The following MTUS2 variants were observed in gnomAD, a reference collection of about 807,000 sequenced individuals.
The protein encoded by MTUS2 is microtubule associated scaffold protein 2, also known as microtubule-associated tumor suppressor candidate 2.
MTUS2 carries 40 observed loss-of-function variants against 114.1 expected under a neutral mutation model. The ratio of observed to expected loss-of-function variants is 0.35; its 90% confidence interval spans 0.27 to 0.46. MTUS2 has a LOEUF of 0.46. Among genes scored for constraint, MTUS2 ranks in the 20% least tolerant of loss-of-function variants. MTUS2 has a pLI of 1.00. For synonymous variants in MTUS2, 688 were observed against 672.0 expected (o/e 1.02, Z -0.37); for missense variants, 1,679 against 1,705.4 (o/e 0.98, Z 0.27).
At chr13:29,296,493 C>T (rs1292303850) in intron 6 of MTUS2, among the ~76,000 whole-genome samples, 1 of 152,136 alleles carries the variant, frequency 6.6e-6, no homozygotes, top group Non-Finnish European at 1.5e-5. Flanking sequence ...GCCACAACCC[C>T]CAGCCTATTT....
intron 6 of MTUS2, among the ~76,000 whole-genome samples, chr13:29,303,304 T>G (rs972183236): frequency 6.6e-6 from 1 of 152,162 alleles, no homozygotes; most frequent in East Asian, 1.9e-4. Flanking sequence ...GAGGCTAAGA[T>G]GGCTGAATTG....
At chr13:29,169,780 C>T (rs924505743) in intron 5 of MTUS2, among the ~76,000 whole-genome samples, 1 of 152,092 alleles carries the variant, frequency 6.6e-6, no homozygotes, top group Non-Finnish European at 1.5e-5. Flanking sequence ...TCAGGGTTGC[C>T]CTCTTACTGC....
At chr13:29,390,146 A>G (rs1304465844) in intron 8 of MTUS2, among the ~76,000 whole-genome samples, 4 of 117,394 alleles carry the variant, frequency 3.4e-5, no homozygotes, top group Non-Finnish European at 7.8e-5. Context: ...GACTATATAT[A>G]TATACACACA....
At chr13:29,062,523 G>C (rs1407437) in intron 4 of MTUS2, among the ~76,000 whole-genome samples, 11,890 of 152,172 alleles carry the variant, frequency 0.078, 785 homozygotes, top group East Asian at 0.31. Flanking sequence ...CTGAAATTTA[G>C]CATTTACATA....
At chr13:29,365,479 CTTTGT>C in intron 8 of MTUS2, among the ~76,000 whole-genome samples, 1 of 70,872 alleles carries the variant, frequency 1.4e-5, no homozygotes, top group Non-Finnish European at 3.2e-5. Context: ...CTCACTTATG[CTTTGT>C]CATCAATACG....
At chr13:29,097,449 G>T (rs1890224317) in intron 4 of MTUS2, among the ~76,000 whole-genome samples, 1 of 152,082 alleles carries the variant, frequency 6.6e-6, no homozygotes, top group African/African-American at 2.4e-5. Flanking sequence ...GCTATCATTT[G>T]TTTATTGAAG....
chr13:29,322,201 C>T (rs1305489841), intron 6 of MTUS2, among the ~76,000 whole-genome samples: 2 of 152,124 alleles, frequency 1.3e-5, no homozygotes, highest in East Asian at 3.9e-4. Flanking sequence ...ATTTTGTTTT[C>T]CTTTAAGCAC....
chr13:29,387,288 C>T (rs992473135), intron 8 of MTUS2, among the ~76,000 whole-genome samples: 5 of 152,106 alleles, frequency 3.3e-5, no homozygotes, highest in Non-Finnish European at 5.9e-5. Context: ...CTGAACAATC[C>T]GTTGGGCAGA....
chr13:28,980,995 T>C (rs1441451337), intron 2 of MTUS2, among the ~76,000 whole-genome samples: 3 of 152,252 alleles, frequency 2.0e-5, no homozygotes, highest in Non-Finnish European at 4.4e-5. Flanking sequence ...TTAGCTTTGC[T>C]GACAGAATAT....
intron 5 of MTUS2, among the ~76,000 whole-genome samples, chr13:29,127,908 C>T (rs1265439278): frequency 2.0e-5 from 3 of 152,208 alleles, no homozygotes; most frequent in African/African-American, 7.2e-5. Context: ...GGGGGTATGG[C>T]ACATACCTCG....
At chr13:29,423,268 G>C (rs188817947) in intron 8 of MTUS2, among the ~76,000 whole-genome samples, 1 of 152,176 alleles carries the variant, frequency 6.6e-6, no homozygotes, top group South Asian at 2.1e-4. Context: ...CTATGGGAAG[G>C]CTCACTTCCT....
intron 2 of MTUS2, among the ~76,000 whole-genome samples, chr13:28,905,827 T>A (rs921056003): frequency 1.3e-5 from 2 of 151,582 alleles, no homozygotes; most frequent in African/African-American, 4.9e-5. Flanking sequence ...TCAGAAGGAA[T>A]GCTAGCAGCT....
chr13:29,390,403 C>T (rs1311936766), intron 8 of MTUS2, among the ~76,000 whole-genome samples: 1 of 151,824 alleles, frequency 6.6e-6, no homozygotes, highest in African/African-American at 2.4e-5. Flanking sequence ...CCTGTAATCC[C>T]AGCACTTTGG....
At position 29,390,118 on chromosome 13, in the gene MTUS2, CACACAA is replaced by C. The variant is rs1873304494; in HGVS notation, c.3117+30649_3117+30654del. On this transcript the variant is annotated intron_variant, in intron 8 of 15. Transcript: ENST00000612955. ...ACATACACATATATATACACATACACACACAAACATATATACTGACTATATATATAT... is the reference window on the plus strand; with the variant it reads ...ACATACACATATATATACACATACACACATATATACTGACTATATATATAT... Among the ~76,000 whole-genome samples the C allele has an allele frequency of 1.4e-5, 2 of 147,220 alleles. 1 individual carries two copies. The highest frequency in any genetic ancestry group is 4.1e-4 in the East Asian group (2 of 4,878).
intron 4 of MTUS2, among the ~76,000 whole-genome samples, chr13:29,093,153 A>G (rs757842342): frequency 2.0e-5 from 3 of 152,200 alleles, no homozygotes; most frequent in South Asian, 2.1e-4. Flanking sequence ...ACAAAAAACT[A>G]TGGAGTATTG....
intron 8 of MTUS2, among the ~76,000 whole-genome samples, chr13:29,408,683 T>G (rs1874974857): frequency 6.6e-6 from 1 of 152,150 alleles, no homozygotes; most frequent in African/African-American, 2.4e-5. Context: ...TCATGACTTT[T>G]TTTTTTTCAT....
chr13:29,348,842 C>T (rs1283798747), intron 7 of MTUS2, among the ~76,000 whole-genome samples: 2 of 152,132 alleles, frequency 1.3e-5, no homozygotes, highest in Admixed American at 6.6e-5. Flanking sequence ...TTGAAATCTG[C>T]TTTTTTCATT....
At chr13:29,464,323 T>C (rs1290728224) in intron 9 of MTUS2, among the ~76,000 whole-genome samples, 3 of 152,236 alleles carry the variant, frequency 2.0e-5, no homozygotes, top group Non-Finnish European at 2.9e-5. Flanking sequence ...GGGCACAGCC[T>C]CGGACCCAAG....
intron 1 of MTUS2, among the ~76,000 whole-genome samples, chr13:28,827,510 A>G (rs1206553374): frequency 6.6e-6 from 1 of 152,232 alleles, no homozygotes; most frequent in African/African-American, 2.4e-5. Flanking sequence ...TAAAATATAA[A>G]TGTGAGTTAG....
Sources: gnomAD v4.1 joint callset for allele counts (sites outside exome capture counted in the v4.1 genomes callset) on GRCh38, gnomAD v4.1.1 for gene constraint, MANE v1.5 for transcripts, NCBI Gene and HGNC (gene_info 2026-07-23, HGNC 2026-07-21) for gene names.